The following NCAM1 variants were observed in gnomAD, a reference collection of about 807,000 sequenced individuals.
NCAM1 encodes antigen recognized by monoclonal antibody 5.1H11.
Under a neutral mutation model 109.8 loss-of-function variants are expected in NCAM1, and 14 were observed. The ratio of observed to expected loss-of-function variants is 0.13; its 90% CI spans 0.08 to 0.20. NCAM1 has a LOEUF of 0.20. Among genes scored for constraint, NCAM1 ranks in the 10% least tolerant of loss-of-function variants. NCAM1 has a pLI of 1.00. For synonymous variants in NCAM1, 418 were observed against 442.9 expected, an observed-to-expected ratio of 0.94 and a Z score of 0.70; for missense variants, 774 against 1,109.9, an observed-to-expected ratio of 0.70 and a Z score of 4.30.
intron 1 of NCAM1, among the ~76,000 whole-genome samples, chr11:113,121,509 C>T (rs1940955989): frequency 8.0e-6 from 1 of 124,508 alleles, no homozygotes; most frequent in Non-Finnish European, 1.6e-5. Context: ...GCATGAGCCA[C>T]TGTGCCTGGC....
At chr11:112,978,246 T>A (rs200176156) in intron 1 of NCAM1, among the ~76,000 whole-genome samples, 1 of 151,482 alleles carries the variant, frequency 6.6e-6, no homozygotes, top group Non-Finnish European at 1.5e-5. Flanking sequence ...AAATCTAAAT[T>A]GGTGTTTAGG....
At chr11:113,017,503 G>GT (rs1412769776) in intron 1 of NCAM1, among the ~76,000 whole-genome samples, 3 of 152,136 alleles carry the variant, frequency 2.0e-5, no homozygotes, top group African/African-American at 7.2e-5. Flanking sequence ...TAGCAAGCAA[G>GT]TAATTCCCAG....
chr11:112,991,394 G>C (rs2134825172), intron 1 of NCAM1, among the ~76,000 whole-genome samples: 1 of 152,256 alleles, frequency 6.6e-6, no homozygotes. Flanking sequence ...GTGGTTTATA[G>C]GCTATTATAG....
intron 1 of NCAM1, among the ~76,000 whole-genome samples, chr11:113,066,991 G>A (rs1398555817): frequency 1.8e-5 from 2 of 113,588 alleles, no homozygotes; most frequent in Admixed American, 1.2e-4. Flanking sequence ...GTGACAGAGC[G>A]AGAACCCCTC....
At chr11:113,072,350 G>T (rs553633403) in intron 1 of NCAM1, among the ~76,000 whole-genome samples, 1 of 152,244 alleles carries the variant, frequency 6.6e-6, no homozygotes, top group Non-Finnish European at 1.5e-5. Flanking sequence ...TCAATGAAAT[G>T]GTAGTTTCAG....
At chr11:112,970,731 A>C (rs1950855898) in intron 1 of NCAM1, among the ~76,000 whole-genome samples, 1 of 152,204 alleles carries the variant, frequency 6.6e-6, no homozygotes, top group East Asian at 1.9e-4. Context: ...TAAAAATCAA[A>C]TTTTATGTAC....
intron 1 of NCAM1, among the ~76,000 whole-genome samples, chr11:113,030,372 T>A (rs2155293): frequency 0.19 from 28,608 of 152,090 alleles, 3,037 homozygotes; most frequent in East Asian, 0.27. Context: ...TAGGAGTATA[T>A]ATTGGAAGTT....
At chr11:113,180,638 A>G (rs1943301845) in intron 1 of NCAM1, among the ~76,000 whole-genome samples, 1 of 152,224 alleles carries the variant, frequency 6.6e-6, no homozygotes, top group African/African-American at 2.4e-5. Flanking sequence ...CTCTACTCTG[A>G]AGCAAAAACA....
At chr11:113,048,825 A>G (rs191953769) in intron 1 of NCAM1, among the ~76,000 whole-genome samples, 41 of 152,282 alleles carry the variant, frequency 2.7e-4, no homozygotes, top group African/African-American at 9.6e-4. Context: ...TCACTTAGGT[A>G]TGTCTGAGGG....
chr11:113,211,552 C>T lies in NCAM1; in HGVS notation c.917-2817C>T, dbSNP rs568790714. Among the ~76,000 whole-genome samples the T allele has an allele frequency of 2.0e-5, 3 of 152,276 alleles. No individual in the cohort carries two copies. In the South Asian group the frequency reaches 6.2e-4, roughly 32 times the overall value. Reference sequence around the variant, plus strand: ...AATTCTCATTACTGTTGTCCCTACACGTGCCCCTGAAGAAGTTTTGTCTCT... The same window carrying T: ...AATTCTCATTACTGTTGTCCCTACATGTGCCCCTGAAGAAGTTTTGTCTCT... On this transcript the variant is annotated intron_variant, in intron 7 of 19. Coordinates refer to ENST00000316851, the MANE Select transcript of NCAM1 (RefSeq NM_181351.5).
chr11:113,025,924 C>A (rs1555077232), intron 1 of NCAM1, among the ~76,000 whole-genome samples: 1 of 151,944 alleles, frequency 6.6e-6, no homozygotes, highest in Non-Finnish European at 1.5e-5. Context: ...TGGTTGTGCC[C>A]ACCACACTAT....
At chr11:113,057,609 C>A (rs2135457125) in intron 1 of NCAM1, among the ~76,000 whole-genome samples, 1 of 151,992 alleles carries the variant, frequency 6.6e-6, no homozygotes, top group Admixed American at 6.6e-5. Context: ...AGGAGAAGGA[C>A]AAGTTTAAAA....
At chr11:113,156,796 G>A (rs1268803422) in intron 1 of NCAM1, among the ~76,000 whole-genome samples, 2 of 152,084 alleles carry the variant, frequency 1.3e-5, no homozygotes, top group Non-Finnish European at 2.9e-5. Flanking sequence ...TAGAGAAGGA[G>A]GAACATATGG....
intron 1 of NCAM1, among the ~76,000 whole-genome samples, chr11:113,026,679 A>G (rs974765988): frequency 2.0e-5 from 3 of 152,222 alleles, no homozygotes; most frequent in Non-Finnish European, 4.4e-5. Context: ...ACAGCCAGAC[A>G]CATGGTTAGA....
intron 15 of NCAM1, among the ~76,000 whole-genome samples, chr11:113,253,174 G>T (rs1945739423): frequency 6.6e-6 from 1 of 152,054 alleles, no homozygotes; most frequent in African/African-American, 2.4e-5. Flanking sequence ...CAGGGAAGTT[G>T]GTTTCTGCAG....
chr11:113,185,787 G>A (rs1421004614), intron 1 of NCAM1, among the ~76,000 whole-genome samples: 8 of 152,130 alleles, frequency 5.3e-5, no homozygotes, highest in African/African-American at 1.9e-4. Flanking sequence ...TATTGACTAA[G>A]CCAGTGACCC....
chr11:112,982,788 A>C (rs1951187944), intron 1 of NCAM1, among the ~76,000 whole-genome samples: 1 of 151,932 alleles, frequency 6.6e-6, no homozygotes, highest in African/African-American at 2.4e-5. Flanking sequence ...TAATTTTTTA[A>C]AAAAGGTAAT....
At chr11:113,137,197 C>A (rs1941632203) in intron 1 of NCAM1, among the ~76,000 whole-genome samples, 1 of 152,160 alleles carries the variant, frequency 6.6e-6, no homozygotes, top group South Asian at 2.1e-4. Context: ...CTTTCCCCTT[C>A]AAGACCAGCA....
intron 9 of NCAM1, among the ~76,000 whole-genome samples, chr11:113,227,987 G>A (rs1486528208): frequency 6.6e-6 from 1 of 152,188 alleles, no homozygotes; most frequent in Non-Finnish European, 1.5e-5. Context: ...TACTGAATGG[G>A]CAAAAACTGG....
Sources: allele counts gnomAD v4.1 joint callset (sites outside exome capture counted in the v4.1 genomes callset), GRCh38; gene constraint gnomAD v4.1.1; transcripts MANE v1.5; gene names NCBI Gene and HGNC (gene_info 2026-07-23, HGNC 2026-07-21).